C2CD5: variants seen among roughly 807,000 people sequenced by gnomAD.
C2CD5 encodes C2 calcium dependent domain containing 5, also known as C2 domain-containing protein 5.
A neutral mutation model predicts 130.3 loss-of-function variants in C2CD5; 109 were observed. The ratio of observed to expected loss-of-function variants is 0.84; its 90% CI spans 0.72 to 0.98. The LOEUF is 0.98. Among genes scored for constraint, C2CD5 ranks in the 50% least tolerant of loss-of-function variants. C2CD5 has a pLI of 0.00. For missense variants in C2CD5, 996 were observed against 1,261.8 expected (o/e 0.79, Z 3.19); for synonymous variants, 454 against 429.2 (o/e 1.06, Z -0.71).
intron 3 of C2CD5, 68 bp from the exon 4 acceptor site, chr12:22,527,960 A>C: frequency 1.2e-6 from 1 of 848,794 alleles, no homozygotes; most frequent in East Asian, 2.9e-5. Context: ...ATGTATACCT[A>C]TATCAAATGA....
At chr12:22,492,594 G>T (rs1278684872) in intron 11 of C2CD5, among the ~76,000 whole-genome samples, 1 of 152,130 alleles carries the variant, frequency 6.6e-6, no homozygotes, top group African/African-American at 2.4e-5. Context: ...GAGCAGCGAA[G>T]TAACTAAGAA....
intron 7 of C2CD5, among the ~76,000 whole-genome samples, chr12:22,520,201 A>G (rs1455994187): frequency 2.6e-5 from 4 of 152,186 alleles, no homozygotes; most frequent in Non-Finnish European, 2.9e-5. Flanking sequence ...ACACACAATG[A>G]GGGAAACAGA....
At position 22,518,004 on chromosome 12, in the gene C2CD5, T is replaced by C. The variant is rs1949920201; in HGVS notation, c.934A>G (p.Ser312Gly). 4 of 1,613,526 alleles carry C rather than the reference T, an allele frequency of 2.5e-6. No homozygotes were observed. The highest frequency in any genetic ancestry group is 3.4e-6 in the Non-Finnish European group (4 of 1,179,712). ...RQSSSSDTDL[S>G]LTPKTGMGSG... ...GCCTTACCAGTTTTGGGTGTCAAAC[T>C]CAAATCTGTGTCAGAAGAAGAGGAC... The change falls in exon 8 of 27, where the codon AGT becomes GGT. Residue 312 changes from serine (S) to glycine (G), a missense_variant. Ser to Gly is a moderately conservative substitution (Grantham distance 56). Around this residue, in one of 9 missense-constraint regions of C2CD5, gnomAD observed 156 missense variants for 165.9 expected, o/e 0.94. Transcript: ENST00000446597.
intron 21 of C2CD5, among the ~76,000 whole-genome samples, chr12:22,470,257 A>G (rs1175126274): frequency 2.6e-5 from 4 of 152,168 alleles, no homozygotes. Flanking sequence ...GTTTAGGACT[A>G]ATCAGGAATA....
chr12:22,511,944 A>C (rs1171003703), intron 9 of C2CD5, among the ~76,000 whole-genome samples: 2 of 152,238 alleles, frequency 1.3e-5, no homozygotes, highest in East Asian at 3.8e-4. Context: ...GCCTAAAAAA[A>C]ATGGTAAGTG....
At chr12:22,508,463 C>A (rs539692223) in intron 9 of C2CD5, among the ~76,000 whole-genome samples, 65 of 152,158 alleles carry the variant, frequency 4.3e-4, no homozygotes, top group African/African-American at 2.4e-4. Flanking sequence ...AAGTTTTGTT[C>A]CTGGAAATCT....
intron 10 of C2CD5, among the ~76,000 whole-genome samples, chr12:22,495,258 A>G (rs1437919088): frequency 6.6e-6 from 1 of 152,098 alleles, no homozygotes; most frequent in Admixed American, 6.6e-5. Context: ...TGCCTTCTTC[A>G]TCTGTACCAC....
chr12:22,470,955 CAAAACTAAGTTTCT>C lies in C2CD5; in HGVS notation c.2359-58_2359-45del, dbSNP rs768384154. 6 of 1,341,958 alleles carry C rather than the reference CAAAACTAAGTTTCT, an allele frequency of 4.5e-6. No individual in the cohort carries two copies. In the Admixed American group the frequency reaches 1.1e-4, roughly 24 times the overall value. The allele number at this position is 1,341,958 out of a possible 1,614,324, so 83.1% of individuals were successfully genotyped here. A position where few individuals can be genotyped will look rare whatever the true frequency, so the allele number is the denominator to read the frequency against. ...TAATGGTTAGCAAAATAATCACTGC[CAAAACTAAGTTTCT>C]TACATATTTTTTTCAGTACCACGGA... On this transcript the variant is annotated intron_variant, in intron 20 of 26. Transcript: ENST00000446597.
intron 10 of C2CD5, among the ~76,000 whole-genome samples, chr12:22,500,376 T>C (rs1476750641): frequency 6.6e-6 from 1 of 152,176 alleles, no homozygotes; most frequent in Non-Finnish European, 1.5e-5. Context: ...TTGTAAATGC[T>C]AGAAGTTTGA....
intron 2 of C2CD5, among the ~76,000 whole-genome samples, chr12:22,543,786 G>A (rs1253933731): frequency 6.6e-6 from 1 of 152,120 alleles, no homozygotes; most frequent in Non-Finnish European, 1.5e-5. Flanking sequence ...AGTGGCAGGT[G>A]GCCTGTTAAT....
At chr12:22,522,434 A>G (rs1349634139) in intron 7 of C2CD5, among the ~76,000 whole-genome samples, 1 of 152,224 alleles carries the variant, frequency 6.6e-6, no homozygotes, top group African/African-American at 2.4e-5. Flanking sequence ...CTCTGACACA[A>G]TGATGACACA....
At chr12:22,467,789 TTTC>T (rs1401048427) in intron 22 of C2CD5, among the ~76,000 whole-genome samples, 2 of 152,224 alleles carry the variant, frequency 1.3e-5, no homozygotes, top group African/African-American at 2.4e-5. Flanking sequence ...AAATTCTTAT[TTTC>T]TTGTTTTTTA....
intron 8 of C2CD5, among the ~76,000 whole-genome samples, chr12:22,514,410 A>C (rs1294001673): frequency 6.6e-6 from 1 of 152,206 alleles, no homozygotes; most frequent in Non-Finnish European, 1.5e-5. Flanking sequence ...ATACAATACT[A>C]AACATAGAAA....
chr12:22,474,704 A>C, intron 16 of C2CD5, 47 bp downstream of exon 16: 1 of 1,453,292 alleles, frequency 6.9e-7, no homozygotes, highest in Non-Finnish European at 9.3e-7. Flanking sequence ...AAAAATGTGT[A>C]TCTTAGCTTC....
At chr12:22,544,262 A>T in intron 1 of C2CD5, 58 bp downstream of exon 1, 1 of 1,045,854 alleles carries the variant, frequency 9.6e-7, no homozygotes, top group Admixed American at 3.4e-5. Context: ...CTGACAGCGA[A>T]GGAGCGCGCG....
intron 22 of C2CD5, among the ~76,000 whole-genome samples, chr12:22,462,761 A>C (rs762767966): frequency 2.0e-5 from 3 of 152,166 alleles, no homozygotes; most frequent in Non-Finnish European, 4.4e-5. Context: ...AAACTCACTG[A>C]AATTTAACTG....
At chr12:22,494,287 G>A (rs1324621692) in intron 10 of C2CD5, among the ~76,000 whole-genome samples, 1 of 151,868 alleles carries the variant, frequency 6.6e-6, no homozygotes, top group African/African-American at 2.4e-5. Flanking sequence ...ATCAACTCTA[G>A]ATAGAATGCT....
At chr12:22,541,275 C>T (rs572148104) in intron 2 of C2CD5, among the ~76,000 whole-genome samples, 73 of 152,282 alleles carry the variant, frequency 4.8e-4, no homozygotes, top group African/African-American at 1.6e-3. Context: ...AATTCATCCA[C>T]TTGTCCGCAT....
intron 17 of C2CD5, 24 bp from the exon 18 acceptor site, chr12:22,472,371 A>G (rs750048468): frequency 3.7e-6 from 4 of 1,082,872 alleles, no homozygotes; most frequent in South Asian, 1.4e-5. Flanking sequence ...TTGTAATCAA[A>G]ATATATGATA....
Sources: gnomAD v4.1 joint callset for allele counts (sites outside exome capture counted in the v4.1 genomes callset) on GRCh38, gnomAD v4.1.1 for gene constraint, gnomAD v4.1.1 regional missense constraint, MANE v1.5 for transcripts, NCBI Gene and HGNC (gene_info 2026-07-23, HGNC 2026-07-21) for gene names.